Variants in RAD54L2 observed in about 807,000 individuals in gnomAD.
The protein encoded by RAD54L2 is RAD54 like 2.
A neutral mutation model predicts 138.4 loss-of-function variants in RAD54L2; 27 were observed. The observed-to-expected ratio is 0.20, with a 90% CI of 0.14 to 0.27. The LOEUF (loss-of-function observed/expected upper bound fraction) is 0.27, where lower values mean the gene tolerates loss of function less well. RAD54L2 is among the 10% of genes least tolerant of loss of function. The pLI, the probability that RAD54L2 is intolerant of heterozygous loss-of-function variation, is 1.00. For missense variants in RAD54L2, 1,396 were observed against 1,890.2 expected (o/e 0.74, Z 4.85); for synonymous variants, 644 against 723.2 (o/e 0.89, Z 1.76).
chr3:51,629,852 G>C (rs1172290393), intron 5 of RAD54L2, among the ~76,000 whole-genome samples: 1 of 151,944 alleles, frequency 6.6e-6, no homozygotes, highest in Non-Finnish European at 1.5e-5. Context: ...GACAGAGTGA[G>C]ACTCTATCTC....
intron 5 of RAD54L2, among the ~76,000 whole-genome samples, chr3:51,629,975 A>G (rs753386522): frequency 5.3e-5 from 8 of 152,248 alleles, no homozygotes; most frequent in Non-Finnish European, 8.8e-5. Flanking sequence ...AGCTAAAATG[A>G]ATAAAAATGT....
chr3:51,650,894 A>T (rs1701413382), intron 19 of RAD54L2, among the ~76,000 whole-genome samples: 1 of 152,248 alleles, frequency 6.6e-6, no homozygotes, highest in Non-Finnish European at 1.5e-5. Flanking sequence ...AGCAAGAGCA[A>T]ACAAATTCAA....
chr3:51,577,079 T>C (rs1298952126), intron 2 of RAD54L2, among the ~76,000 whole-genome samples: 1 of 152,236 alleles, frequency 6.6e-6, no homozygotes, highest in African/African-American at 2.4e-5. Flanking sequence ...AACATCTTTA[T>C]TTCTGCCTTC....
At position 51,612,246 on chromosome 3, in the gene RAD54L2, C is replaced by T. The variant is rs543811723; in HGVS notation, c.140-15307C>T. 1.1e-4 allele frequency among the ~76,000 whole-genome samples: 17 copies of T among 152,272 alleles called. 2 individuals are homozygous for T. The highest frequency in any genetic ancestry group is 1.1e-3 in the Admixed American group (17 of 15,292). ...TTGGGAGGCTGAGGCGGGCAGATCA[C>T]CTGAGGTCAGAAGTTTAAGACCAGC... On this transcript the variant is annotated intron_variant, in intron 3 of 22. Transcript: ENST00000684192.
chr3:51,557,713 C>G (rs181106509), intron 2 of RAD54L2, among the ~76,000 whole-genome samples: 2 of 150,490 alleles, frequency 1.3e-5, no homozygotes, highest in African/African-American at 4.9e-5. Context: ...GCCTGTAATG[C>G]TAGCTACTTG....
At chr3:51,571,130 G>A (rs1167422866) in intron 2 of RAD54L2, among the ~76,000 whole-genome samples, 2 of 152,118 alleles carry the variant, frequency 1.3e-5, no homozygotes, top group Non-Finnish European at 2.9e-5. Flanking sequence ...CAGAAAATGC[G>A]TAGGCTTTGA....
At chr3:51,622,317 C>G (rs972594796) in intron 3 of RAD54L2, among the ~76,000 whole-genome samples, 1 of 152,156 alleles carries the variant, frequency 6.6e-6, no homozygotes, top group Non-Finnish European at 1.5e-5. Flanking sequence ...GCAGTACATT[C>G]CTAGTGCTGC....
chr3:51,643,635 T>C (rs1435119839), intron 15 of RAD54L2, among the ~76,000 whole-genome samples: 3 of 152,130 alleles, frequency 2.0e-5, no homozygotes. Flanking sequence ...TGACCTAAGA[T>C]AGTAAAGGGG....
At chr3:51,559,674 CTG>C (rs1699054881) in intron 2 of RAD54L2, among the ~76,000 whole-genome samples, 3 of 152,186 alleles carry the variant, frequency 2.0e-5, no homozygotes, top group Non-Finnish European at 4.4e-5. Flanking sequence ...TTGGGTAAAA[CTG>C]TATCCCAGCT....
chr3:51,643,375 C>G lies in RAD54L2; in HGVS notation c.2351-500C>G, dbSNP rs576194630. 3.9e-5 allele frequency among the ~76,000 whole-genome samples: 6 copies of G among 152,292 alleles called. No individual in the cohort carries two copies. In the East Asian group the frequency reaches 1.2e-3, roughly 29 times the overall value. On this transcript the variant is annotated intron_variant, in intron 15 of 22. Coordinates refer to ENST00000684192, the MANE Select transcript of RAD54L2 (RefSeq NM_015106.4). ...TCCCTCTTTGGAGCTTCCCTCCTTT[C>G]ATTCATGTGTTCCATCCTACTGTTC...
intron 18 of RAD54L2, 78 bp from the exon 19 acceptor site, chr3:51,646,207 C>CT (rs1559651136): frequency 7.4e-7 from 1 of 1,357,956 alleles, no homozygotes; most frequent in African/African-American, 1.5e-5. Flanking sequence ...ACAGCCAGCT[C>CT]TTTTCTTGGT....
chr3:51,571,702 A>G (rs1409387374), intron 2 of RAD54L2, among the ~76,000 whole-genome samples: 4 of 152,128 alleles, frequency 2.6e-5, no homozygotes, highest in Non-Finnish European at 5.9e-5. Flanking sequence ...GTGGTGGGAC[A>G]TGCATAGTCG....
At chr3:51,639,315 T>C in intron 12 of RAD54L2, 104 bp from the exon 13 acceptor site, 2 of 1,370,964 alleles carry the variant, frequency 1.5e-6, no homozygotes, top group Non-Finnish European at 1.0e-6. Context: ...ACAGTGTTTA[T>C]TGTGGGACGT....
In RAD54L2 at chr3:51,538,831, C is replaced by T. The variant is rs1194148787; in HGVS notation, c.-201C>T. Among the ~76,000 whole-genome samples the T allele has an allele frequency of 6.6e-6, 1 of 152,004 alleles. No individual in the cohort carries two copies. Among genetic ancestry groups the T allele is most frequent in the Non-Finnish European group, 1.5e-5 (1 of 67,964 alleles). ...GCCGCCGCCCCCGCCTCCGCCGCCG[C>T]AGACTTTGCCTAGGCGGGCGAAGCT... is the stretch of plus-strand genomic sequence containing the variant. On this transcript the variant is annotated 5_prime_UTR_variant, in exon 1 of 23. Transcript: ENST00000684192.
chr3:51,558,419 C>T (rs1308814167), intron 2 of RAD54L2, among the ~76,000 whole-genome samples: 2 of 151,932 alleles, frequency 1.3e-5, no homozygotes, highest in African/African-American at 4.8e-5. Flanking sequence ...AATTTCATTT[C>T]AAAGGGACTT....
At chr3:51,564,357 C>T (rs1346388126) in intron 2 of RAD54L2, among the ~76,000 whole-genome samples, 1 of 152,128 alleles carries the variant, frequency 6.6e-6, no homozygotes, top group Non-Finnish European at 1.5e-5. Context: ...ATGTCTCTGC[C>T]TTATGCAGGA....
intron 3 of RAD54L2, 74 bp downstream of exon 3, chr3:51,590,633 G>T: frequency 6.5e-7 from 1 of 1,549,492 alleles, no homozygotes. Flanking sequence ...GGAGACCTTG[G>T]CGTTTCCAGT....
chr3:51,659,772 C>G (rs1468393120), intron 21 of RAD54L2, among the ~76,000 whole-genome samples: 2 of 152,192 alleles, frequency 1.3e-5, no homozygotes, highest in African/African-American at 4.8e-5. Flanking sequence ...GAGACAGGGC[C>G]TTTTTCTGCC....
rs768354274 is a variant in RAD54L2, at chr3:51,626,436, CT to C, written c.140-1091del. On this transcript the variant is annotated intron_variant, in intron 3 of 22. Coordinates refer to ENST00000684192, the MANE Select transcript of RAD54L2 (RefSeq NM_015106.4). ...TGACATCCCCTGGACCCCCAACGATCTTTTTTTTTTTTTTTTTTTTTTTTTT... is the reference window on the plus strand; with the variant it reads ...TGACATCCCCTGGACCCCCAACGATCTTTTTTTTTTTTTTTTTTTTTTTTT... Among the ~76,000 whole-genome samples the C allele has an allele frequency of 1.2e-3, 47 of 39,392 alleles. 2 individuals carry two copies. The highest frequency in any genetic ancestry group is 8.4e-3 in the East Asian group (7 of 834). The allele number at this position is 39,392 out of a possible 152,430, so 25.8% of individuals were successfully genotyped here.
Sources: gnomAD v4.1 joint callset for allele counts (sites outside exome capture counted in the v4.1 genomes callset) on GRCh38, gnomAD v4.1.1 for gene constraint, MANE v1.5 for transcripts, NCBI Gene and HGNC (gene_info 2026-07-23, HGNC 2026-07-21) for gene names.